The following FAM171B variants were observed in gnomAD, a reference collection of about 807,000 sequenced individuals.
FAM171B encodes protein FAM171B.
FAM171B carries 19 observed loss-of-function variants against 75.6 expected under a neutral mutation model. The ratio of observed to expected loss-of-function variants is 0.25; its 90% CI spans 0.18 to 0.37. The LOEUF (loss-of-function observed/expected upper bound fraction) is 0.37, where lower values mean the gene tolerates loss of function less well. Among genes scored for constraint, FAM171B ranks in the 10% least tolerant of loss-of-function variants. The pLI is 1.00. For synonymous variants in FAM171B, 367 were observed against 361.7 expected, an observed-to-expected ratio of 1.01 and a Z score of -0.17; for missense variants, 848 against 982.4, an observed-to-expected ratio of 0.86 and a Z score of 1.83.
At position 186,764,432 on chromosome 2, in the gene FAM171B, G is replaced by C. The variant is rs958582812; in HGVS notation, c.*1609G>C. 7.5e-6 allele frequency: 1 copy of C among 132,546 alleles called. No individual in the cohort carries two copies. The highest frequency in any genetic ancestry group is 1.6e-5 in the Non-Finnish European group (1 of 63,124). 8.2% of individuals were successfully genotyped at this position (132,546 alleles called of 1,614,324 possible). A position where few individuals can be genotyped will look rare whatever the true frequency, so the allele number is the denominator to read the frequency against. On this transcript the variant is annotated 3_prime_UTR_variant, in exon 8 of 8. Transcript: ENST00000304698. ...CTATATATTACCCCAATCCATAGAA[G>C]AAATAATGTTTTGGGTAATACCTAG...
chr2:186,753,371 A>G (rs1310372590), intron 5 of FAM171B, among the ~76,000 whole-genome samples: 2 of 152,198 alleles, frequency 1.3e-5, no homozygotes, highest in South Asian at 2.1e-4. Context: ...CTTTTTTGGA[A>G]TGACAATTCT....
chr2:186,760,733 A>T (rs939321875), intron 6 of FAM171B, among the ~76,000 whole-genome samples: 4 of 151,482 alleles, frequency 2.6e-5, no homozygotes, highest in Admixed American at 2.0e-4. Flanking sequence ...TTAACATTTC[A>T]TGAGTGTTTC....
chr2:186,759,336 C>T (rs1690581530), intron 6 of FAM171B, among the ~76,000 whole-genome samples: 2 of 152,100 alleles, frequency 1.3e-5, no homozygotes, highest in Admixed American at 1.3e-4. Context: ...GTCTCAGCAA[C>T]TGAGTTCCTT....
chr2:186,723,552 G>A (rs1574102470), intron 1 of FAM171B, among the ~76,000 whole-genome samples: 1 of 151,996 alleles, frequency 6.6e-6, no homozygotes, highest in South Asian at 2.1e-4. Flanking sequence ...TTAAAATTGG[G>A]TAACAGATAA....
chr2:186,713,571 A>G (rs1185787369), intron 1 of FAM171B, among the ~76,000 whole-genome samples: 1 of 152,200 alleles, frequency 6.6e-6, no homozygotes, highest in Non-Finnish European at 1.5e-5. Flanking sequence ...GGCGAGAGAA[A>G]AAGTATATAC....
Position 186,763,779 on chromosome 2 carries a change from C to G in FAM171B, c.*956C>G, listed in dbSNP as rs1345078760. Reference sequence around the variant, plus strand: ...TTTGAACACTAAAATAAAATATGTGCAGATAAAATATACATTGATTTGTTT... The same window carrying G: ...TTTGAACACTAAAATAAAATATGTGGAGATAAAATATACATTGATTTGTTT... On this transcript the variant is annotated 3_prime_UTR_variant, in exon 8 of 8. Coordinates refer to ENST00000304698, the MANE Select transcript of FAM171B (RefSeq NM_177454.4). 1 of 151,878 alleles carries G rather than the reference C, an allele frequency of 6.6e-6. No homozygotes were observed. Among genetic ancestry groups the G allele is most frequent in the Non-Finnish European group, 1.5e-5 (1 of 67,950 alleles). 9.4% of individuals were successfully genotyped at this position (151,878 alleles called of 1,614,324 possible).
At chr2:186,701,039 C>T (rs1057460495) in intron 1 of FAM171B, among the ~76,000 whole-genome samples, 5 of 151,960 alleles carry the variant, frequency 3.3e-5, no homozygotes, top group Admixed American at 3.3e-4. Context: ...GCCTTAATCT[C>T]CTAAGTAGCT....
At chr2:186,757,568 T>C (rs1325854742) in intron 6 of FAM171B, among the ~76,000 whole-genome samples, 1 of 152,198 alleles carries the variant, frequency 6.6e-6, no homozygotes, top group Non-Finnish European at 1.5e-5. Flanking sequence ...AATAGAATTC[T>C]AGAATTCCTT....
At chr2:186,725,261 GT>G in intron 1 of FAM171B, among the ~76,000 whole-genome samples, 1 of 150,746 alleles carries the variant, frequency 6.6e-6, no homozygotes, top group Non-Finnish European at 1.5e-5. Context: ...GGAGAATGGT[GT>G]TAACCCGGGA....
Position 186,694,219 on chromosome 2 carries a change from C to T in FAM171B, c.46C>T (p.Leu16=). The change falls in exon 1 of 8, where the codon CTG becomes TTG. Residue 16 remains leucine, a synonymous_variant. Transcript: ENST00000304698. ...TGTCCCCTGCACCCTGCTTCTCGGC[C>T]TGGCCGTGGTGCTGCTGAAAGCGCG... is the stretch of plus-strand genomic sequence containing the variant. ...RRVPCTLLLG[L]AVVLLKARLV... 6.2e-7 allele frequency: 1 copy of T among 1,609,832 alleles called. No individual in the cohort carries two copies. The highest frequency in any genetic ancestry group is 1.3e-5 in the African/African-American group (1 of 75,068).
intron 1 of FAM171B, among the ~76,000 whole-genome samples, chr2:186,710,046 A>AT (rs1246482163): frequency 6.6e-6 from 1 of 152,222 alleles, no homozygotes; most frequent in African/African-American, 2.4e-5. Context: ...CATCACATTT[A>AT]TTTTAAGCTA....
At chr2:186,701,786 T>C (rs1377684713) in intron 1 of FAM171B, among the ~76,000 whole-genome samples, 2 of 152,226 alleles carry the variant, frequency 1.3e-5, no homozygotes, top group African/African-American at 4.8e-5. Flanking sequence ...TTTTATAGTG[T>C]TCTTAATGTG....
At chr2:186,714,143 C>T (rs529247901) in intron 1 of FAM171B, among the ~76,000 whole-genome samples, 10 of 150,276 alleles carry the variant, frequency 6.7e-5, no homozygotes, top group African/African-American at 2.4e-4. Flanking sequence ...TTAATACTTA[C>T]CTCAAAGGAG....
intron 3 of FAM171B, among the ~76,000 whole-genome samples, chr2:186,745,948 TCA>T (rs1193689136): frequency 1.3e-5 from 2 of 152,210 alleles, no homozygotes; most frequent in Admixed American, 1.3e-4. Context: ...TTTTCTAGCT[TCA>T]CACACACAAA....
At chr2:186,741,234 A>G (rs1252683292) in intron 2 of FAM171B, among the ~76,000 whole-genome samples, 1 of 152,158 alleles carries the variant, frequency 6.6e-6, no homozygotes, top group East Asian at 1.9e-4. Context: ...GTGAAAATAT[A>G]TTGCTTAGAG....
intron 1 of FAM171B, among the ~76,000 whole-genome samples, chr2:186,734,987 A>T (rs993877281): frequency 2.0e-5 from 3 of 152,212 alleles, no homozygotes; most frequent in Non-Finnish European, 2.9e-5. Flanking sequence ...CTGTGAGGGA[A>T]GGGAGCTTCC....
intron 1 of FAM171B, among the ~76,000 whole-genome samples, chr2:186,729,932 C>T (rs939990503): frequency 3.3e-5 from 5 of 151,966 alleles, no homozygotes; most frequent in Non-Finnish European, 7.4e-5. Context: ...ATTAGCTGTG[C>T]AGTTTTTCGT....
At chr2:186,743,381 C>CA in intron 2 of FAM171B, 102 bp from the exon 3 acceptor site, 1 of 708,618 alleles carries the variant, frequency 1.4e-6, no homozygotes, top group Non-Finnish European at 2.4e-6. Context: ...TTGTTCCCCC[C>CA]CACAACACAC....
rs894335046 is a variant in FAM171B, at chr2:186,764,988, G to T, written c.*2165G>T. On this transcript the variant is annotated 3_prime_UTR_variant, in exon 8 of 8. Transcript: ENST00000304698. Reference sequence around the variant, plus strand: ...CATTTTTGTGTAAGGGAAATGAGATGATGTATCCCAAGGGCTTTTCTAGAA... The same window carrying T: ...CATTTTTGTGTAAGGGAAATGAGATTATGTATCCCAAGGGCTTTTCTAGAA... 6.6e-6 allele frequency: 1 copy of T among 151,972 alleles called. No homozygotes were observed. The highest frequency in any genetic ancestry group is 2.4e-5 in the African/African-American group (1 of 41,436). 9.4% of individuals were successfully genotyped at this position (151,972 alleles called of 1,614,324 possible).
Sources: gnomAD v4.1 joint callset for allele counts (sites outside exome capture counted in the v4.1 genomes callset) on GRCh38, gnomAD v4.1.1 for gene constraint, MANE v1.5 for transcripts, NCBI Gene and HGNC (gene_info 2026-07-23, HGNC 2026-07-21) for gene names.